The following CNTNAP3B variants were observed in gnomAD, a reference collection of about 807,000 sequenced individuals.
CNTNAP3B encodes contactin-associated protein-like 3B.
A neutral mutation model predicts 108.9 loss-of-function variants in CNTNAP3B; 25 were observed. The ratio of observed to expected loss-of-function variants is 0.23; its 90% CI spans 0.17 to 0.32. CNTNAP3B has a LOEUF of 0.32. Among genes scored for constraint, CNTNAP3B ranks in the 10% least tolerant of loss-of-function variants. The probability of loss-of-function intolerance (pLI) is 1.00; values close to 1 mark genes in which losing one functional copy is unlikely to be tolerated. For synonymous variants in CNTNAP3B, 103 were observed against 473.4 expected (o/e 0.22, Z 10.16); for missense variants, 252 against 1,210.4 (o/e 0.21, Z 11.75).
intron 18 of CNTNAP3B, among the ~76,000 whole-genome samples, chr9:41,915,438 G>A (rs1823490916): frequency 9.3e-6 from 1 of 107,984 alleles, no homozygotes; most frequent in Non-Finnish European, 1.9e-5. Flanking sequence ...GAGAGAGATA[G>A]CCTTTCTATT....
chr9:41,944,960 T>C (rs1824480590), intron 13 of CNTNAP3B, among the ~76,000 whole-genome samples: 1 of 151,108 alleles, frequency 6.6e-6, no homozygotes, highest in Admixed American at 6.6e-5. Flanking sequence ...GCGAAGTATA[T>C]GAACAGACAC....
intron 3 of CNTNAP3B, among the ~76,000 whole-genome samples, chr9:42,042,144 A>C (rs368939922): frequency 0.017 from 2,257 of 132,868 alleles, 4 homozygotes; most frequent in South Asian, 0.041. Context: ...TGAGGAGTTA[A>C]TGGGTGCAGC....
intron 3 of CNTNAP3B, among the ~76,000 whole-genome samples, chr9:42,015,025 CTTTTTTTT>C (rs761938709): frequency 8.9e-5 from 1 of 11,200 alleles, no homozygotes; most frequent in Non-Finnish European, 2.7e-4. Flanking sequence ...ATCATTTCAC[CTTTTTTTT>C]TTTTTTTTTT....
At position 42,071,471 on chromosome 9, in the gene CNTNAP3B, C is replaced by T. The variant is rs552184280; in HGVS notation, c.390+5398G>A. 8.9e-5 allele frequency among the ~76,000 whole-genome samples: 12 copies of T among 134,808 alleles called. 2 individuals are homozygous for T. Among genetic ancestry groups the T allele is most frequent in the East Asian group, 6.9e-4 (3 of 4,318 alleles). The allele number at this position is 134,808 out of a possible 152,430, so 88.4% of individuals were successfully genotyped here. ...TGAAGCCACAGATAAGCAGAGAATA[C>T]GGTCAAAGTTGCTTATTTCTTTTTA... is the stretch of plus-strand genomic sequence containing the variant. On this transcript the variant is annotated intron_variant, in intron 3 of 23. Coordinates refer to ENST00000377561, the MANE Select transcript of CNTNAP3B (RefSeq NM_001201380.3).
chr9:41,918,923 T>C (rs1426026967), intron 18 of CNTNAP3B, among the ~76,000 whole-genome samples: 1 of 148,478 alleles, frequency 6.7e-6, no homozygotes, highest in Non-Finnish European at 1.5e-5. Flanking sequence ...TAATGAATCC[T>C]CAAAATTCTT....
At chr9:42,071,173 A>T (rs1368577281) in intron 3 of CNTNAP3B, among the ~76,000 whole-genome samples, 1 of 135,430 alleles carries the variant, frequency 7.4e-6, no homozygotes, top group Non-Finnish European at 1.6e-5. Flanking sequence ...GAAACACAAA[A>T]CCAGGGAAGA....
chr9:41,924,682 C>CACACACACAT (rs1823764087), intron 15 of CNTNAP3B, among the ~76,000 whole-genome samples: 1 of 147,058 alleles, frequency 6.8e-6, no homozygotes, highest in African/African-American at 2.5e-5. Flanking sequence ...CACACACACA[C>CACACACACAT]ACACACACAG....
intron 3 of CNTNAP3B, among the ~76,000 whole-genome samples, chr9:42,055,038 T>C (rs1827037038): frequency 7.1e-6 from 1 of 141,338 alleles, no homozygotes; most frequent in Middle Eastern, 3.2e-3. Flanking sequence ...TTTATATCAG[T>C]ATACTGAGCT....
At chr9:41,990,473 AC>A (rs1275401154) in intron 8 of CNTNAP3B, among the ~76,000 whole-genome samples, 4 of 131,760 alleles carry the variant, frequency 3.0e-5, no homozygotes, top group African/African-American at 1.2e-4. Flanking sequence ...TTCCAGAAGT[AC>A]TGAGATAAGG....
intron 11 of CNTNAP3B, among the ~76,000 whole-genome samples, chr9:41,964,067 A>G (rs1226515422): frequency 6.6e-6 from 1 of 152,302 alleles, no homozygotes; most frequent in African/African-American, 2.4e-5. Flanking sequence ...AAATCTTGCC[A>G]TGTACAATCC....
chr9:42,043,172 CTTTTTT>C (rs34086655), intron 3 of CNTNAP3B, among the ~76,000 whole-genome samples: 1 of 82,558 alleles, frequency 1.2e-5, no homozygotes, highest in South Asian at 4.4e-4. Context: ...TTCTTTTATT[CTTTTTT>C]TTTTTTTTTT....
At chr9:41,920,691 T>G (rs1329124802) in intron 17 of CNTNAP3B, among the ~76,000 whole-genome samples, 1 of 152,306 alleles carries the variant, frequency 6.6e-6, no homozygotes, top group African/African-American at 2.4e-5. Flanking sequence ...ATTATTTTAA[T>G]TTCTTTATGA....
At chr9:42,062,511 C>T (rs975428581) in intron 3 of CNTNAP3B, among the ~76,000 whole-genome samples, 7 of 89,482 alleles carry the variant, frequency 7.8e-5, no homozygotes, top group South Asian at 3.8e-4. Context: ...ATAAGTGAAG[C>T]GAGCTCCCTG....
At position 41,990,508 on chromosome 9, in the gene CNTNAP3B, G is replaced by A. The variant is rs1231783803; in HGVS notation, c.1333+1102C>T. 4.6e-5 allele frequency among the ~76,000 whole-genome samples: 6 copies of A among 129,060 alleles called. 1 individual carries two copies. The highest frequency in any genetic ancestry group is 2.5e-4 in the East Asian group (1 of 4,010). 84.7% of individuals were successfully genotyped at this position (129,060 alleles called of 152,430 possible). The stretch of plus-strand genomic sequence containing the variant: ...GGCCCCGCCCTCCGAATTTCTTCAC[G>A]GGTCTTGAAATCGTGCTTTCGTACC... On this transcript the variant is annotated intron_variant, in intron 8 of 23. Coordinates refer to ENST00000377561, the MANE Select transcript of CNTNAP3B (RefSeq NM_001201380.3).
chr9:41,932,668 C>A (rs1372542217), intron 14 of CNTNAP3B, among the ~76,000 whole-genome samples: 1 of 152,138 alleles, frequency 6.6e-6, no homozygotes, highest in Non-Finnish European at 1.5e-5. Flanking sequence ...TACATGCGTG[C>A]GCCACTACGC....
rs372010643 is a variant in CNTNAP3B at position 42,097,287 on chromosome 9, C to T, written c.196+7342G>A. Among the ~76,000 whole-genome samples, 15 of 140,276 alleles carry T rather than the reference C, an allele frequency of 1.1e-4. 1 individual carries two copies. In the East Asian group the frequency reaches 1.5e-3, roughly 14 times the overall value. 92.0% of individuals were successfully genotyped at this position (140,276 alleles called of 152,430 possible). ...CAGGCATGGAAAATGGGGATGAGTG[C>T]GTCCAAGTTAGTTCCAATTTTCAAA... On this transcript the variant is annotated intron_variant, in intron 2 of 23. Coordinates refer to ENST00000377561, the MANE Select transcript of CNTNAP3B (RefSeq NM_001201380.3).
rs1824844553 is a variant in CNTNAP3B, at chr9:41,955,965, T to G, written c.1877-2579A>C. ...AGCTCAAACCAGCCTAACTTAAATGTGCTCAGAACACTTAAATCAGCCCAC... is the reference window on the plus strand; with the variant it reads ...AGCTCAAACCAGCCTAACTTAAATGGGCTCAGAACACTTAAATCAGCCCAC... On this transcript the variant is annotated intron_variant, in intron 12 of 23. Transcript: ENST00000377561. 2.0e-5 allele frequency among the ~76,000 whole-genome samples: 3 copies of G among 152,350 alleles called. No homozygotes were observed. The South Asian group carries it at 6.2e-4, about 32-fold the overall frequency.
At chr9:42,116,974 A>C (rs1345152703) in intron 1 of CNTNAP3B, among the ~76,000 whole-genome samples, 1 of 139,786 alleles carries the variant, frequency 7.2e-6, no homozygotes, top group African/African-American at 2.8e-5. Flanking sequence ...AGAAGAGTTA[A>C]ATATCCTAAA....
At chr9:41,924,652 C>CACAT (rs1449694766) in intron 15 of CNTNAP3B, among the ~76,000 whole-genome samples, 1 of 16,908 alleles carries the variant, frequency 5.9e-5, no homozygotes, top group African/African-American at 1.2e-4. Flanking sequence ...CCTGCACACA[C>CACAT]ACACACACAC....
Sources: gnomAD v4.1 joint callset for allele counts (sites outside exome capture counted in the v4.1 genomes callset) on GRCh38, gnomAD v4.1.1 for gene constraint, MANE v1.5 for transcripts, NCBI Gene and HGNC (gene_info 2026-07-23, HGNC 2026-07-21) for gene names.